The following ZBTB44 variants were observed in gnomAD, a reference collection of about 807,000 sequenced individuals.
ZBTB44 encodes zinc finger and BTB domain containing 44.
Under a neutral mutation model 54.0 loss-of-function variants are expected in ZBTB44, and 15 were observed. The ratio of observed to expected loss-of-function variants is 0.28; its 90% CI spans 0.19 to 0.43. The LOEUF (loss-of-function observed/expected upper bound fraction) is 0.43, where lower values mean the gene tolerates loss of function less well. Among genes scored for constraint, ZBTB44 ranks in the 20% least tolerant of loss-of-function variants. The pLI is 1.00. For synonymous variants in ZBTB44, 230 were observed against 250.1 expected (o/e 0.92, Z 0.76); for missense variants, 487 against 707.1 (o/e 0.69, Z 3.53).
chr11:130,295,947 TG>T, intron 1 of ZBTB44: 2 of 1,526,668 alleles, frequency 1.3e-6, no homozygotes, highest in South Asian at 2.2e-5. Context: ...AACTTGCTAA[TG>T]GGATCAACAT....
At chr11:130,280,638 T>C (rs1396586606) in intron 1 of ZBTB44, among the ~76,000 whole-genome samples, 2 of 152,218 alleles carry the variant, frequency 1.3e-5, no homozygotes, top group African/African-American at 2.4e-5. Context: ...AGTCAGTCTT[T>C]CTAATGTATG....
chr11:130,296,795 G>A, intron 1 of ZBTB44: 6 of 760,620 alleles, frequency 7.9e-6, no homozygotes, highest in Non-Finnish European at 4.9e-6. Context: ...AAGCATATAA[G>A]TCATACATAT....
chr11:130,277,824 C>T (rs1411754249), intron 1 of ZBTB44, among the ~76,000 whole-genome samples: 2 of 152,010 alleles, frequency 1.3e-5, no homozygotes, highest in Non-Finnish European at 2.9e-5. Context: ...TCGTTTTTAT[C>T]TAGGACAGTC....
At chr11:130,297,201 C>T (rs534653089) in intron 1 of ZBTB44, among the ~76,000 whole-genome samples, 2 of 152,272 alleles carry the variant, frequency 1.3e-5, no homozygotes, top group Admixed American at 1.3e-4. Context: ...AGCACTGTAA[C>T]TTCTATCAAG....
intron 1 of ZBTB44, among the ~76,000 whole-genome samples, chr11:130,265,110 T>TCTC (rs1393004258): frequency 6.6e-6 from 1 of 152,160 alleles, no homozygotes. Context: ...CCCCCATCTC[T>TCTC]CTCCTCCTCC....
chr11:130,234,491 C>G (rs1954020528), intron 5 of ZBTB44, among the ~76,000 whole-genome samples: 1 of 152,174 alleles, frequency 6.6e-6, no homozygotes, highest in South Asian at 2.1e-4. Flanking sequence ...TCCCCACCAC[C>G]AATACATCAG....
At chr11:130,289,922 T>C (rs772003911) in intron 1 of ZBTB44, among the ~76,000 whole-genome samples, 1 of 152,196 alleles carries the variant, frequency 6.6e-6, no homozygotes, top group Admixed American at 6.5e-5. Flanking sequence ...CTCTCAAAAA[T>C]GCATTCTTCT....
chr11:130,279,222 C>A (rs373749433), intron 1 of ZBTB44, among the ~76,000 whole-genome samples: 2 of 151,100 alleles, frequency 1.3e-5, no homozygotes, highest in East Asian at 3.9e-4. Flanking sequence ...TTTTTGGGTA[C>A]GCCCACAGTC....
Position 130,314,369 on chromosome 11 carries a change from C to T in ZBTB44, c.-57+6G>A, listed in dbSNP as rs1942818302. On this transcript the variant is annotated splice_donor_region_variant and intron_variant, in intron 1 of 7. Transcript: ENST00000357899. Reference sequence around the variant, plus strand: ...CGACCGGAGCCCGCCCTCCCCTCCCCGTTACCTGCGGGCGGCGGCGCCGGG... The same window carrying T: ...CGACCGGAGCCCGCCCTCCCCTCCCTGTTACCTGCGGGCGGCGGCGCCGGG... 1 of 153,126 alleles carries T rather than the reference C, an allele frequency of 6.5e-6. No individual in the cohort carries two copies. The highest frequency in any genetic ancestry group is 1.5e-5 in the Non-Finnish European group (1 of 68,198). The allele number at this position is 153,126 out of a possible 1,614,324, so 9.5% of individuals were successfully genotyped here.
intron 1 of ZBTB44, 61 bp downstream of exon 1, chr11:130,314,314 A>G (rs967606411): frequency 6.6e-6 from 1 of 152,614 alleles, no homozygotes; most frequent in Admixed American, 6.5e-5. Context: ...GGTGTCAGCC[A>G]CGGGCAGCGT....
chr11:130,241,883 C>G (rs115358608), intron 2 of ZBTB44, among the ~76,000 whole-genome samples: 23 of 152,312 alleles, frequency 1.5e-4, no homozygotes, highest in African/African-American at 5.5e-4. Flanking sequence ...CTCTGCTCTG[C>G]AGTGCCTCCT....
chr11:130,288,971 G>T (rs957485113), intron 1 of ZBTB44, among the ~76,000 whole-genome samples: 1 of 151,698 alleles, frequency 6.6e-6, no homozygotes, highest in African/African-American at 2.4e-5. Context: ...ACAAGACTAA[G>T]CAAGGTGAAT....
At chr11:130,273,202 G>A (rs1939805877) in intron 1 of ZBTB44, among the ~76,000 whole-genome samples, 1 of 151,820 alleles carries the variant, frequency 6.6e-6, no homozygotes, top group African/African-American at 2.4e-5. Flanking sequence ...TATTTATTTA[G>A]ATTGTCTTTA....
At chr11:130,272,070 A>T (rs924950046) in intron 1 of ZBTB44, among the ~76,000 whole-genome samples, 1 of 152,076 alleles carries the variant, frequency 6.6e-6, no homozygotes, top group Non-Finnish European at 1.5e-5. Flanking sequence ...ACTCTACTAA[A>T]AATACAAAAA....
intron 4 of ZBTB44, among the ~76,000 whole-genome samples, chr11:130,237,355 T>C (rs980535784): frequency 5.3e-5 from 8 of 152,220 alleles, no homozygotes; most frequent in South Asian, 2.1e-4. Flanking sequence ...TGAATGCTTT[T>C]CTAGATCATC....
intron 1 of ZBTB44, among the ~76,000 whole-genome samples, chr11:130,269,042 G>C (rs1041386116): frequency 6.6e-6 from 1 of 150,520 alleles, no homozygotes; most frequent in African/African-American, 2.4e-5. Flanking sequence ...TGTAATCCCA[G>C]CACTTTGGGA....
chr11:130,244,637 A>C (rs183766439), intron 2 of ZBTB44, among the ~76,000 whole-genome samples: 1,743 of 147,664 alleles, frequency 0.012, 41 homozygotes, highest in African/African-American at 0.042. Context: ...ACTGCACTCC[A>C]GCCTGGGCGA....
chr11:130,305,991 A>C (rs1177314104), intron 1 of ZBTB44, among the ~76,000 whole-genome samples: 1 of 152,230 alleles, frequency 6.6e-6, no homozygotes, highest in South Asian at 2.1e-4. Flanking sequence ...AACAGCCAAC[A>C]AACACATGAA....
At chr11:130,314,022 G>A (rs879686321) in intron 1 of ZBTB44, among the ~76,000 whole-genome samples, 7 of 151,882 alleles carry the variant, frequency 4.6e-5, no homozygotes, top group Non-Finnish European at 8.8e-5. Context: ...AGCAGAAGGG[G>A]AAAGGAGGAA....
Sources: gnomAD v4.1 joint callset for allele counts (sites outside exome capture counted in the v4.1 genomes callset) on GRCh38, gnomAD v4.1.1 for gene constraint, MANE v1.5 for transcripts, NCBI Gene and HGNC (gene_info 2026-07-23, HGNC 2026-07-21) for gene names.